HEATR4: variants seen among roughly 807,000 people sequenced by gnomAD.
HEATR4 encodes HEAT repeat-containing protein 4.
Under a neutral mutation model 108.8 loss-of-function variants are expected in HEATR4, and 95 were observed. The ratio of observed to expected loss-of-function variants is 0.87; its 90% CI spans 0.74 to 1.04. The LOEUF (loss-of-function observed/expected upper bound fraction) is 1.04. Ranked by LOEUF, HEATR4 falls within the 50% of genes least tolerant of loss-of-function variation. HEATR4 has a pLI of 0.00. For missense variants in HEATR4, 1,152 were observed against 1,253.8 expected (o/e 0.92, Z 1.23); for synonymous variants, 443 against 459.4 (o/e 0.96, Z 0.46).
the HEATR4 span, among the ~76,000 whole-genome samples, chr14:73,621,290 C>T: frequency 1.3e-5 from 2 of 152,152 alleles, no homozygotes; most frequent in South Asian, 4.1e-4. Flanking sequence ...TTACGTTTGC[C>T]AGGGGATTCC....
chr14:73,619,246 A>G, the HEATR4 span: 168 of 1,584,162 alleles, frequency 1.1e-4, no homozygotes, highest in Middle Eastern at 8.5e-4. Context: ...GAAAGGTCCT[A>G]GTATTGCGCT....
intron 2 of HEATR4, among the ~76,000 whole-genome samples, 155 bp from the exon 3 acceptor site, chr14:73,523,379 C>T (rs1262596069): frequency 1.3e-5 from 2 of 152,186 alleles, no homozygotes; most frequent in African/African-American, 4.8e-5. Context: ...AATGGTGCAA[C>T]ATCCTAAATA....
At chr14:73,573,523 A>G in the HEATR4 span, 2 of 1,613,614 alleles carry the variant, frequency 1.2e-6, no homozygotes, top group East Asian at 4.5e-5. Context: ...GACCTCCCCA[A>G]GACCATGGAG....
At chr14:73,612,735 A>ACGCCCGCGACGAGCTGGACCTGGAGCGCG in the HEATR4 span, 1 of 1,371,974 alleles carries the variant, frequency 7.3e-7, no homozygotes, top group African/African-American at 1.5e-5. Context: ...TACCGTGCCG[A>ACGCCCGCGACGAGCTGGACCTGGAGCGCG]CGCCCGCGAC....
chr14:73,529,943 G>A (rs1368570333), intron 2 of HEATR4, among the ~76,000 whole-genome samples: 5 of 147,048 alleles, frequency 3.4e-5, no homozygotes, highest in Admixed American at 7.1e-5. Flanking sequence ...CTGGGGTGGT[G>A]TTTGTTAGAT....
chr14:73,509,359 G>A lies in HEATR4; in HGVS notation c.1673C>T (p.Ser558Leu). 6.2e-7 allele frequency: 1 copy of A among 1,614,072 alleles called. No individual in the cohort carries two copies. The highest frequency in any genetic ancestry group is 8.5e-7 in the Non-Finnish European group (1 of 1,180,024). Residue 558 changes from serine to leucine, a missense_variant, in exon 8 of 18, where the codon TCA becomes TTA. Transcript: ENST00000553558. ...GATGTTCCGGGCAAGGGGATTATGT[G>A]ACTGTATGGCATATTGGCATATTGC... Reference protein sequence around the residue: ...AAAICQYAIQSHNPLARNIMQ... With the variant: ...AAAICQYAIQLHNPLARNIMQ...
At chr14:73,504,460 T>G (rs965908246) in intron 10 of HEATR4, among the ~76,000 whole-genome samples, 1 of 152,092 alleles carries the variant, frequency 6.6e-6, no homozygotes, top group Non-Finnish European at 1.5e-5. Context: ...GCCAGGATGG[T>G]CTCGATCTCC....
chr14:73,586,677 C>T, the HEATR4 span, among the ~76,000 whole-genome samples: 1 of 150,068 alleles, frequency 6.7e-6, no homozygotes, highest in Non-Finnish European at 1.5e-5. Flanking sequence ...TGCACTGCAG[C>T]CTGGGAGACA....
the HEATR4 span, among the ~76,000 whole-genome samples, chr14:73,590,552 C>G: frequency 6.6e-6 from 1 of 152,220 alleles, no homozygotes; most frequent in Non-Finnish European, 1.5e-5. Context: ...TGAGGAGGCT[C>G]GGACCGCGCA....
chr14:73,548,877 A>T lies in HEATR4; in HGVS notation c.-152+9874T>A. 1.8e-5 allele frequency among the ~76,000 whole-genome samples: 2 copies of T among 114,052 alleles called. 1 individual carries two copies. Among genetic ancestry groups the T allele is most frequent in the East Asian group, 1.4e-3 (2 of 1,432 alleles). The allele number at this position is 114,052 out of a possible 152,430, so 74.8% of individuals were successfully genotyped here. A position where few individuals can be genotyped will look rare whatever the true frequency, so the allele number is the denominator to read the frequency against. ...GTGTATATTAACACACTGTGAAAGG[A>T]TTCACAGGTAATTAACCAGGTAATT... On this transcript the variant is annotated intron_variant, in intron 1 of 17. Coordinates refer to ENST00000553558, the MANE Select transcript of HEATR4 (RefSeq NM_001220484.1).
intron 2 of HEATR4, among the ~76,000 whole-genome samples, chr14:73,523,488 A>G (rs1298351438): frequency 6.6e-6 from 1 of 152,218 alleles, no homozygotes; most frequent in Non-Finnish European, 1.5e-5. Flanking sequence ...GCAGTATCCC[A>G]TGCTTCCAGT....
At chr14:73,483,891 T>G (rs1442746466) in intron 17 of HEATR4, among the ~76,000 whole-genome samples, 1 of 152,094 alleles carries the variant, frequency 6.6e-6, no homozygotes, top group African/African-American at 2.4e-5. Flanking sequence ...CTCATCTCTG[T>G]CACCCAGGCT....
At chr14:73,586,965 A>G in the HEATR4 span, among the ~76,000 whole-genome samples, 2 of 152,130 alleles carry the variant, frequency 1.3e-5, no homozygotes, top group East Asian at 1.9e-4. Context: ...TGGGTCTCCC[A>G]AAGTGCTGGC....
the HEATR4 span, among the ~76,000 whole-genome samples, chr14:73,570,433 G>A: frequency 6.6e-6 from 1 of 151,956 alleles, no homozygotes; most frequent in East Asian, 1.9e-4. Context: ...GCTGGGCGTA[G>A]TAGCGGGCGC....
At chr14:73,581,671 G>T in the HEATR4 span, 2 of 129,564 alleles carry the variant, frequency 1.5e-5, no homozygotes, top group East Asian at 5.0e-4. Flanking sequence ...TGCAGAAAAA[G>T]AAATTGAGGC....
At chr14:73,573,956 A>T in the HEATR4 span, among the ~76,000 whole-genome samples, 1 of 151,554 alleles carries the variant, frequency 6.6e-6, no homozygotes, top group East Asian at 1.9e-4. Context: ...TGAACTCCTG[A>T]CCTCAAATGA....
intron 7 of HEATR4, among the ~76,000 whole-genome samples, chr14:73,510,906 T>C (rs1887212049): frequency 6.6e-6 from 1 of 152,208 alleles, no homozygotes; most frequent in African/African-American, 2.4e-5. Context: ...TGTTATAAGT[T>C]ACAGTATCCA....
At chr14:73,491,541 C>T (rs995850022) in intron 17 of HEATR4, 7 of 1,532,026 alleles carry the variant, frequency 4.6e-6, no homozygotes, top group Admixed American at 4.0e-5. Context: ...GTGGATAACA[C>T]GGGTGGGGAG....
chr14:73,562,705 C>T (rs142981275), upstream of HEATR4, among the ~76,000 whole-genome samples: 11,073 of 151,792 alleles, frequency 0.073, 1,179 homozygotes, highest in African/African-American at 0.25. Context: ...TGTCTTGTGC[C>T]GTTGAGATAA....
Sources: allele counts gnomAD v4.1 joint callset (sites outside exome capture counted in the v4.1 genomes callset), GRCh38; gene constraint gnomAD v4.1.1; transcripts MANE v1.5; gene names NCBI Gene and HGNC (gene_info 2026-07-23, HGNC 2026-07-21).